ADAMTSL1: variants seen among roughly 807,000 people sequenced by gnomAD.
ADAMTSL1 encodes ADAMTS-like protein 1.
ADAMTSL1 carries 126 observed loss-of-function variants against 201.8 expected under a neutral mutation model. The ratio of observed to expected loss-of-function variants is 0.62; its 90% CI spans 0.54 to 0.72. ADAMTSL1 has a LOEUF of 0.72. Among genes scored for constraint, ADAMTSL1 ranks in the 30% least tolerant of loss-of-function variants. The probability of loss-of-function intolerance (pLI) is 0.00; values close to 1 mark genes in which losing one functional copy is unlikely to be tolerated. For missense variants in ADAMTSL1, 2,679 were observed against 2,277.8 expected (o/e 1.18, Z -3.59); for synonymous variants, 1,121 against 903.4 (o/e 1.24, Z -4.32).
intron 13 of ADAMTSL1, among the ~76,000 whole-genome samples, chr9:18,686,673 G>A (rs1830860179): frequency 1.3e-5 from 2 of 152,204 alleles, no homozygotes; most frequent in South Asian, 4.1e-4. Flanking sequence ...TTGGACTAAA[G>A]CGTAATCCTA....
chr9:18,630,036 G>A lies in ADAMTSL1; in HGVS notation c.602-5907G>A, dbSNP rs189402085. Among the ~76,000 whole-genome samples, 305 of 152,070 alleles carry A rather than the reference G, an allele frequency of 2.0e-3. 2 individuals carry two copies. The highest frequency in any genetic ancestry group is 6.9e-3 in the African/African-American group (285 of 41,500). On this transcript the variant is annotated intron_variant, in intron 5 of 28. Coordinates refer to ENST00000380548, the MANE Select transcript of ADAMTSL1 (RefSeq NM_001040272.6). Reference sequence around the variant, plus strand: ...CTCATTATTTTTTGACTTGATGCCAGACATTACAAATTTTACTTTCTTGGG... The same window carrying A: ...CTCATTATTTTTTGACTTGATGCCAAACATTACAAATTTTACTTTCTTGGG...
At chr9:17,977,397 T>C (rs1330326139) in intron 1 of ADAMTSL1, among the ~76,000 whole-genome samples, 1 of 152,132 alleles carries the variant, frequency 6.6e-6, no homozygotes, top group Non-Finnish European at 1.5e-5. Context: ...TGCTATTAGT[T>C]ATTCTTTAAA....
chr9:18,038,659 C>T (rs568304915), intron 1 of ADAMTSL1, among the ~76,000 whole-genome samples: 1 of 152,282 alleles, frequency 6.6e-6, no homozygotes, highest in Non-Finnish European at 1.5e-5. Flanking sequence ...GGTGTGCTGG[C>T]TTGGATTATT....
chr9:18,357,004 G>A (rs1188884785), intron 2 of ADAMTSL1, among the ~76,000 whole-genome samples: 4 of 152,168 alleles, frequency 2.6e-5, no homozygotes, highest in East Asian at 3.9e-4. Flanking sequence ...CTTTGAATAC[G>A]TATTAAAGAA....
Position 18,501,316 on chromosome 9 carries a change from G to A in ADAMTSL1, c.64-3513G>A, listed in dbSNP as rs980379587. On this transcript the variant is annotated intron_variant, in intron 1 of 28. Transcript: ENST00000380548. ...GCTCGAGCTCAGGAGTTCAAGACCAGCTTGGGCAACATAGCGAAACCTCGT... is the reference window on the plus strand; with the variant it reads ...GCTCGAGCTCAGGAGTTCAAGACCAACTTGGGCAACATAGCGAAACCTCGT... Among the ~76,000 whole-genome samples, 4 of 152,156 alleles carry A rather than the reference G, an allele frequency of 2.6e-5. No homozygotes were observed. In the East Asian group the frequency reaches 7.7e-4, roughly 29 times the overall value.
chr9:18,324,764 C>CA lies in ADAMTSL1; in HGVS notation c.207+160797dup, dbSNP rs780617189. ...GGGCAACAAGAGCGAAACTCCATCT[C>CA]AAAAAAAAAAAAAATACACTACATC... is the stretch of plus-strand genomic sequence containing the variant. On this transcript the variant is annotated intron_variant, in intron 2 of 29. Transcript: ENST00000680146. Among the ~76,000 whole-genome samples the CA allele has an allele frequency of 6.5e-3, 789 of 120,538 alleles. 2 individuals carry two copies. Among genetic ancestry groups the CA allele is most frequent in the Middle Eastern group, 0.026 (6 of 228 alleles). 79.1% of individuals were successfully genotyped at this position (120,538 alleles called of 152,430 possible). A position where few individuals can be genotyped will look rare whatever the true frequency, so the allele number is the denominator to read the frequency against.
intron 2 of ADAMTSL1, among the ~76,000 whole-genome samples, chr9:18,293,932 C>A (rs895220721): frequency 1.3e-5 from 2 of 152,020 alleles, no homozygotes; most frequent in Non-Finnish European, 2.9e-5. Context: ...ATTACAATAG[C>A]CATATTAAAC....
At chr9:18,038,441 C>CT (rs905583415) in intron 1 of ADAMTSL1, among the ~76,000 whole-genome samples, 3 of 152,210 alleles carry the variant, frequency 2.0e-5, no homozygotes, top group African/African-American at 7.2e-5. Flanking sequence ...CAAGGAGAAA[C>CT]TTTTTTTCAC....
At chr9:18,737,832 G>A (rs540733143) in intron 15 of ADAMTSL1, among the ~76,000 whole-genome samples, 18 of 152,314 alleles carry the variant, frequency 1.2e-4, no homozygotes, top group African/African-American at 4.3e-4. Context: ...TGAGCTCAGT[G>A]TTTATCATAA....
chr9:18,359,375 G>A (rs918175012), intron 2 of ADAMTSL1, among the ~76,000 whole-genome samples: 2 of 152,084 alleles, frequency 1.3e-5, no homozygotes, highest in African/African-American at 4.8e-5. Flanking sequence ...TTTGAGAAAA[G>A]GTTACACAAA....
intron 2 of ADAMTSL1, among the ~76,000 whole-genome samples, chr9:18,388,227 T>G (rs1006972833): frequency 1.3e-5 from 2 of 152,040 alleles, no homozygotes; most frequent in East Asian, 3.8e-4. Flanking sequence ...TCTTTTATAC[T>G]TCTTATTAAT....
chr9:18,317,132 A>T (rs1381808355), intron 2 of ADAMTSL1, among the ~76,000 whole-genome samples: 1 of 152,198 alleles, frequency 6.6e-6, no homozygotes, highest in Non-Finnish European at 1.5e-5. Context: ...AAATATAGAA[A>T]GGCAAATACC....
intron 2 of ADAMTSL1, among the ~76,000 whole-genome samples, chr9:18,517,437 C>CT (rs1340590166): frequency 1.3e-5 from 2 of 149,336 alleles, no homozygotes; most frequent in Non-Finnish European, 3.0e-5. Flanking sequence ...TTTTATTATA[C>CT]TTTAAGTTTT....
chr9:18,703,860 T>A (rs2133316497), intron 13 of ADAMTSL1, among the ~76,000 whole-genome samples: 1 of 151,630 alleles, frequency 6.6e-6, no homozygotes, highest in Non-Finnish European at 1.5e-5. Context: ...TGGAATGACA[T>A]CAAATGCAAA....
intron 23 of ADAMTSL1, among the ~76,000 whole-genome samples, chr9:18,832,800 C>T (rs1304542790): frequency 6.6e-6 from 1 of 152,206 alleles, no homozygotes; most frequent in African/African-American, 2.4e-5. Context: ...GAGATGCCAG[C>T]CACTGTATGT....
chr9:18,862,942 T>C (rs1273671614), intron 23 of ADAMTSL1, among the ~76,000 whole-genome samples: 1 of 152,212 alleles, frequency 6.6e-6, no homozygotes, highest in Non-Finnish European at 1.5e-5. Flanking sequence ...GAGAAGGACT[T>C]ATGGGAACCC....
intron 4 of ADAMTSL1, among the ~76,000 whole-genome samples, chr9:18,578,108 C>G (rs571667832): frequency 6.6e-6 from 1 of 151,902 alleles, no homozygotes; most frequent in African/African-American, 2.4e-5. Context: ...TATGATTTTC[C>G]CAGGATCCTA....
chr9:18,617,454 C>T (rs1345224646), intron 4 of ADAMTSL1, among the ~76,000 whole-genome samples: 1 of 150,876 alleles, frequency 6.6e-6, no homozygotes, highest in Non-Finnish European at 1.5e-5. Context: ...AGTCTCTGAG[C>T]CAACTTGGAT....
chr9:18,437,210 T>C (rs1396707400), intron 2 of ADAMTSL1, among the ~76,000 whole-genome samples: 2 of 152,028 alleles, frequency 1.3e-5, no homozygotes, highest in Non-Finnish European at 2.9e-5. Context: ...ATTTCCCAAC[T>C]TCCTCAATAG....
Sources: allele counts gnomAD v4.1 joint callset (sites outside exome capture counted in the v4.1 genomes callset), GRCh38; gene constraint gnomAD v4.1.1; transcripts MANE v1.5; gene names NCBI Gene and HGNC (gene_info 2026-07-23, HGNC 2026-07-21).